The following APLP2 variants were observed in gnomAD, a reference collection of about 807,000 sequenced individuals.
APLP2 encodes the protein amyloid beta precursor like protein 2.
In APLP2, 53 loss-of-function variants were observed where a neutral mutation model predicts 89.9. The ratio of observed to expected loss-of-function variants is 0.59; its 90% CI spans 0.47 to 0.74. The LOEUF (loss-of-function observed/expected upper bound fraction) is 0.74, where lower values mean the gene tolerates loss of function less well. Ranked by LOEUF, APLP2 falls within the 30% of genes least tolerant of loss-of-function variation. The pLI is 0.00. For missense variants in APLP2, 973 were observed against 975.9 expected, an observed-to-expected ratio of 1.00 and a Z score of 0.04; for synonymous variants, 372 against 348.6, an observed-to-expected ratio of 1.07 and a Z score of -0.75.
intron 1 of APLP2, among the ~76,000 whole-genome samples, chr11:130,091,845 CG>C (rs1319689022): frequency 6.8e-6 from 1 of 146,694 alleles, no homozygotes; most frequent in Non-Finnish European, 1.5e-5. Flanking sequence ...CCCTCCCGGA[CG>C]GGGTGGCTGC....
chr11:130,075,113 G>A (rs1941875403), intron 1 of APLP2, among the ~76,000 whole-genome samples: 1 of 152,206 alleles, frequency 6.6e-6, no homozygotes, highest in South Asian at 2.1e-4. Context: ...TGCTTTTGCT[G>A]AGGGAATTTT....
At chr11:130,125,126 C>T (rs761295641) in intron 7 of APLP2, among the ~76,000 whole-genome samples, 5 of 152,192 alleles carry the variant, frequency 3.3e-5, no homozygotes, top group African/African-American at 4.8e-5. Flanking sequence ...AGTTTACTTC[C>T]AGTGGGAGCG....
At chr11:130,127,432 A>T (rs1384586379) in intron 8 of APLP2, among the ~76,000 whole-genome samples, 2 of 152,216 alleles carry the variant, frequency 1.3e-5, no homozygotes, top group African/African-American at 4.8e-5. Flanking sequence ...TTGGGCTTAC[A>T]GTTTGCAAAA....
intron 1 of APLP2, among the ~76,000 whole-genome samples, chr11:130,091,472 G>A (rs1945164079): frequency 7.3e-6 from 1 of 137,762 alleles, no homozygotes; most frequent in African/African-American, 2.9e-5. Context: ...CTCCCAGACG[G>A]GGCGGCTGGC....
chr11:130,110,426 T>G, intron 2 of APLP2, 112 bp from the exon 3 acceptor site: 2 of 1,270,192 alleles, frequency 1.6e-6, no homozygotes, highest in Non-Finnish European at 2.2e-6. Context: ...GAACTTTAGA[T>G]GTATGTAGGA....
At chr11:130,081,311 TGTG>T (rs1591761757) in intron 1 of APLP2, among the ~76,000 whole-genome samples, 1 of 152,248 alleles carries the variant, frequency 6.6e-6, no homozygotes, top group East Asian at 1.9e-4. Context: ...GTATTCATGC[TGTG>T]AATTTGGATT....
intron 11 of APLP2, among the ~76,000 whole-genome samples, chr11:130,132,698 C>T (rs1222480247): frequency 2.0e-5 from 3 of 151,850 alleles, no homozygotes; most frequent in Admixed American, 1.3e-4. Context: ...TTATCACCCC[C>T]TTAAAATCAG....
chr11:130,139,397 A>G (rs1313510707), intron 13 of APLP2: 1 of 152,200 alleles, frequency 6.6e-6, no homozygotes, highest in African/African-American at 2.4e-5. Flanking sequence ...GCAGGTAGTT[A>G]CCTTAGAATG....
At chr11:130,070,690 C>T in intron 1 of APLP2, 2 of 1,478,124 alleles carry the variant, frequency 1.4e-6, no homozygotes, top group Non-Finnish European at 8.9e-7. Context: ...GTCGCGGACG[C>T]GCATTTTTTA....
intron 1 of APLP2, among the ~76,000 whole-genome samples, chr11:130,087,077 C>T (rs1944225694): frequency 6.6e-6 from 1 of 152,190 alleles, no homozygotes; most frequent in African/African-American, 2.4e-5. Context: ...TCTTCTAACC[C>T]TCAAATGCCA....
chr11:130,082,940 T>C (rs972415040), intron 1 of APLP2, among the ~76,000 whole-genome samples: 4 of 152,054 alleles, frequency 2.6e-5, no homozygotes, highest in African/African-American at 9.7e-5. Context: ...ATTTTCTAAA[T>C]TGAACAGCCT....
chr11:130,107,504 C>G (rs1048784655), intron 1 of APLP2, among the ~76,000 whole-genome samples: 3 of 152,290 alleles, frequency 2.0e-5, no homozygotes, highest in Admixed American at 2.0e-4. Context: ...ATCCAACTTA[C>G]AAGGGATGTG....
At chr11:130,083,696 G>A (rs921744391) in intron 1 of APLP2, among the ~76,000 whole-genome samples, 2 of 151,940 alleles carry the variant, frequency 1.3e-5, no homozygotes, top group African/African-American at 2.4e-5. Context: ...TCCATTTTAT[G>A]TATATATCAT....
chr11:130,142,141 A>T (rs1952495959), intron 16 of APLP2, 67 bp downstream of exon 16: 1 of 1,482,728 alleles, frequency 6.7e-7, no homozygotes, highest in African/African-American at 1.4e-5. Context: ...GAACCTGTGG[A>T]ATTAATAGGC....
At chr11:130,108,446 C>T (rs1036274560) in intron 1 of APLP2, among the ~76,000 whole-genome samples, 4 of 152,334 alleles carry the variant, frequency 2.6e-5, no homozygotes, top group African/African-American at 9.6e-5. Context: ...CCAACAGACA[C>T]ATGAAGAAAT....
chr11:130,096,666 C>T (rs1316747964), intron 1 of APLP2, among the ~76,000 whole-genome samples: 4 of 152,198 alleles, frequency 2.6e-5, no homozygotes, highest in South Asian at 2.1e-4. Context: ...TATAATCAGC[C>T]GTGATTGCAC....
Position 130,140,490 on chromosome 11 carries a change from C to CT in APLP2, c.1923+8dup, listed in dbSNP as rs2136146439. 1 of 1,601,748 alleles carries CT rather than the reference C, an allele frequency of 6.2e-7. No individual in the cohort carries two copies. The highest frequency in any genetic ancestry group is 2.3e-5 in the East Asian group (1 of 44,400). ...TAAAGTGGATGAAAACATGGTGAGC[C>CT]TGTTCTTTCTTCTGCCCAACACGCT... On this transcript the variant is annotated splice_region_variant and intron_variant, in intron 14 of 16. Coordinates refer to ENST00000338167, the MANE Select transcript of APLP2 (RefSeq NM_001142276.2).
At chr11:130,080,871 T>A (rs969847991) in intron 1 of APLP2, among the ~76,000 whole-genome samples, 1 of 151,554 alleles carries the variant, frequency 6.6e-6, no homozygotes, top group Admixed American at 6.6e-5. Flanking sequence ...TAATTTTTTT[T>A]AATTTTTAGT....
chr11:130,086,155 A>C (rs1185774269), intron 1 of APLP2, among the ~76,000 whole-genome samples: 1 of 152,258 alleles, frequency 6.6e-6, no homozygotes, highest in Non-Finnish European at 1.5e-5. Context: ...CTCCAGTCCC[A>C]CTGACAGTGG....
Sources: gnomAD v4.1 joint callset for allele counts (sites outside exome capture counted in the v4.1 genomes callset) on GRCh38, gnomAD v4.1.1 for gene constraint, MANE v1.5 for transcripts, NCBI Gene and HGNC (gene_info 2026-07-23, HGNC 2026-07-21) for gene names.